Variants in MAGI1 observed in about 807,000 individuals in gnomAD.
The protein encoded by MAGI1 is membrane associated guanylate kinase, WW and PDZ domain containing 1.
In MAGI1, 58 loss-of-function variants were observed where a neutral mutation model predicts 139.9. The ratio of observed to expected loss-of-function variants is 0.41; its 90% CI spans 0.34 to 0.52. The LOEUF is 0.52. Ranked by LOEUF, MAGI1 falls within the 20% of genes least tolerant of loss-of-function variation. The pLI, the probability that MAGI1 is intolerant of heterozygous loss-of-function variation, is 0.12. For synonymous variants in MAGI1, 812 were observed against 737.9 expected (o/e 1.10, Z -1.63); for missense variants, 1,874 against 1,901.6 (o/e 0.99, Z 0.27).
intron 22 of MAGI1, among the ~76,000 whole-genome samples, chr3:65,358,188 G>A: frequency 6.6e-6 from 1 of 152,150 alleles, no homozygotes; most frequent in East Asian, 1.9e-4. Context: ...AAATGACAGT[G>A]CAAATGTTTT....
chr3:65,413,647 T>C (rs1945969138), intron 12 of MAGI1, among the ~76,000 whole-genome samples: 1 of 152,176 alleles, frequency 6.6e-6, no homozygotes, highest in Non-Finnish European at 1.5e-5. Flanking sequence ...CTGCCCCATA[T>C]AGCTATGAAG....
chr3:65,931,911 G>A (rs2062824620), intron 1 of MAGI1, among the ~76,000 whole-genome samples: 1 of 152,014 alleles, frequency 6.6e-6, no homozygotes, highest in African/African-American at 2.4e-5. Flanking sequence ...AGAAAAGCTT[G>A]ATGACACCAA....
chr3:65,370,118 C>T (rs947464064), intron 18 of MAGI1, among the ~76,000 whole-genome samples: 1 of 152,168 alleles, frequency 6.6e-6, no homozygotes, highest in Non-Finnish European at 1.5e-5. Flanking sequence ...AGAAATCTAA[C>T]TCCCCTGCTT....
chr3:65,934,572 G>C (rs2062957509), intron 1 of MAGI1, among the ~76,000 whole-genome samples: 1 of 152,000 alleles, frequency 6.6e-6, no homozygotes, highest in Non-Finnish European at 1.5e-5. Context: ...CAGGACTAAT[G>C]GTGCAGTACA....
intron 18 of MAGI1, among the ~76,000 whole-genome samples, chr3:65,369,788 C>G (rs528987876): frequency 6.6e-6 from 1 of 151,406 alleles, no homozygotes; most frequent in South Asian, 2.1e-4. Context: ...GGATTACAGG[C>G]ATGAGCTACC....
intron 2 of MAGI1, among the ~76,000 whole-genome samples, chr3:65,495,790 T>C (rs551874011): frequency 2.6e-5 from 4 of 151,708 alleles, no homozygotes; most frequent in Non-Finnish European, 4.4e-5. Context: ...GCCTGGCTAA[T>C]AGAAAAGGTG....
chr3:65,760,678 G>A (rs1428072708), intron 1 of MAGI1, among the ~76,000 whole-genome samples: 5 of 152,100 alleles, frequency 3.3e-5, no homozygotes, highest in Admixed American at 3.3e-4. Flanking sequence ...AAGAGGTAGG[G>A]TTACAGGCAC....
At chr3:65,645,169 CT>C (rs1252682444) in intron 1 of MAGI1, among the ~76,000 whole-genome samples, 2 of 151,718 alleles carry the variant, frequency 1.3e-5, no homozygotes, top group African/African-American at 2.4e-5. Flanking sequence ...CAAAACATTT[CT>C]TAAAGTTAGC....
At chr3:65,501,108 C>G (rs2077062459) in intron 2 of MAGI1, among the ~76,000 whole-genome samples, 1 of 152,118 alleles carries the variant, frequency 6.6e-6, no homozygotes, top group Non-Finnish European at 1.5e-5. Flanking sequence ...TGATATCTAT[C>G]CCTCAAATCA....
chr3:65,727,521 C>T (rs903246944), intron 1 of MAGI1, among the ~76,000 whole-genome samples: 1 of 152,126 alleles, frequency 6.6e-6, no homozygotes, highest in African/African-American at 2.4e-5. Context: ...TGTGCCATTG[C>T]CCCTGGCTCT....
intron 1 of MAGI1, among the ~76,000 whole-genome samples, chr3:65,917,446 T>G (rs2061958459): frequency 6.6e-6 from 1 of 152,250 alleles, no homozygotes; most frequent in East Asian, 1.9e-4. Flanking sequence ...GCAATCATGT[T>G]CCTTGGTATT....
chr3:65,983,833 A>C (rs1366880539), intron 1 of MAGI1, among the ~76,000 whole-genome samples: 1 of 152,178 alleles, frequency 6.6e-6, no homozygotes, highest in Non-Finnish European at 1.5e-5. Flanking sequence ...AAATGGGAAT[A>C]GTGATGGTAC....
At chr3:65,849,112 C>G (rs1417561791) in intron 1 of MAGI1, among the ~76,000 whole-genome samples, 1 of 140,404 alleles carries the variant, frequency 7.1e-6, no homozygotes, top group African/African-American at 2.8e-5. Flanking sequence ...GAATCTCCAT[C>G]CCCAGGGTTC....
At chr3:65,929,716 T>C (rs912262332) in intron 1 of MAGI1, among the ~76,000 whole-genome samples, 1 of 151,900 alleles carries the variant, frequency 6.6e-6, no homozygotes, top group Non-Finnish European at 1.5e-5. Flanking sequence ...TTGAGACCCT[T>C]TCGGGGCACA....
At chr3:65,508,291 C>G (rs1184281645) in intron 2 of MAGI1, among the ~76,000 whole-genome samples, 1 of 151,968 alleles carries the variant, frequency 6.6e-6, no homozygotes, top group African/African-American at 2.4e-5. Context: ...GTAGTCCCAG[C>G]TAGTCCAGAG....
intron 2 of MAGI1, among the ~76,000 whole-genome samples, chr3:65,534,446 T>C (rs1266603918): frequency 6.6e-6 from 1 of 152,106 alleles, no homozygotes; most frequent in African/African-American, 2.4e-5. Context: ...GCTGTGAATA[T>C]ACTGCTGCAC....
At chr3:65,972,520 A>G (rs1386895203) in intron 1 of MAGI1, among the ~76,000 whole-genome samples, 1 of 152,204 alleles carries the variant, frequency 6.6e-6, no homozygotes, top group Non-Finnish European at 1.5e-5. Flanking sequence ...ACTTCTGGGC[A>G]GTAGGCACTA....
At chr3:65,408,441 G>C (rs934404101) in intron 12 of MAGI1, among the ~76,000 whole-genome samples, 15 of 152,282 alleles carry the variant, frequency 9.9e-5, no homozygotes, top group Admixed American at 6.5e-4. Context: ...GCTTTTATTT[G>C]TTGGGGGTAG....
chr3:65,523,575 GT>G (rs1278459154), intron 2 of MAGI1, among the ~76,000 whole-genome samples: 1 of 152,140 alleles, frequency 6.6e-6, no homozygotes, highest in Non-Finnish European at 1.5e-5. Flanking sequence ...ACTAGTCTCT[GT>G]TTCACATGCA....
Sources: allele counts gnomAD v4.1 joint callset (sites outside exome capture counted in the v4.1 genomes callset), GRCh38; gene constraint gnomAD v4.1.1; transcripts MANE v1.5; gene names NCBI Gene and HGNC (gene_info 2026-07-23, HGNC 2026-07-21).